Variants in ZC3HAV1L observed in about 807,000 individuals in gnomAD.
ZC3HAV1L encodes zinc finger CCCH-type antiviral protein 1-like.
ZC3HAV1L carries 23 observed loss-of-function variants against 28.2 expected under a neutral mutation model. That is an observed-to-expected ratio of 0.82 (90% CI 0.59 to 1.16). ZC3HAV1L has a LOEUF of 1.16. Ranked by LOEUF, ZC3HAV1L falls within the 50% of genes most tolerant of loss-of-function variation. ZC3HAV1L has a pLI of 0.00. For synonymous variants in ZC3HAV1L, 180 were observed against 163.4 expected (o/e 1.10, Z -0.78); for missense variants, 376 against 387.7 (o/e 0.97, Z 0.25).
In ZC3HAV1L at chr7:139,026,980, A is replaced by ATG. The variant is rs773688246; in HGVS notation, c.761-149_761-148dup. On this transcript the variant is annotated intron_variant, in intron 3 of 4. Transcript: ENST00000275766. ...TGTCTTCTGGATTTTAAAAAATTGTATGTGTGTGTGTATAAAAAATAGAGA... is the reference window on the plus strand; with the variant it reads ...TGTCTTCTGGATTTTAAAAAATTGTATGTGTGTGTGTGTATAAAAAATAGAGA... 334 of 909,764 alleles carry ATG rather than the reference A, an allele frequency of 3.7e-4. 1 individual carries two copies. The highest frequency in any genetic ancestry group is 1.3e-3 in the Admixed American group (44 of 33,178). The allele number at this position is 909,764 out of a possible 1,614,324, so 56.4% of individuals were successfully genotyped here.
Position 139,028,909 on chromosome 7 carries a change from T to C in ZC3HAV1L, c.553A>G (p.Lys185Glu). The C allele has an allele frequency of 6.2e-7, 1 of 1,614,176 alleles. No individual in the cohort carries two copies. Among genetic ancestry groups the C allele is most frequent in the South Asian group, 1.1e-5 (1 of 91,086 alleles). The change falls in exon 3 of 5, where the codon AAG becomes GAG. Residue 185 changes from lysine to glutamate, a missense_variant. By Grantham distance (56) the Lys-to-Glu change is moderately conservative. Coordinates refer to ENST00000275766, the MANE Select transcript of ZC3HAV1L (RefSeq NM_080660.4). ...GEALYGYCNL[K>E]DKCNKFHVCK... is the part of the protein sequence containing the mutation. ...ACATGAAACTTGTTGCATTTATCCT[T>C]GAGGTTGCAGTAGCCATACAGGGCT... is the stretch of plus-strand genomic sequence containing the variant.
At chr7:139,026,931 C>A (rs1278057024) in intron 3 of ZC3HAV1L, 98 bp from the exon 4 acceptor site, 4 of 1,341,342 alleles carry the variant, frequency 3.0e-6, no homozygotes, top group Admixed American at 4.7e-5. Flanking sequence ...ACAAGACTCC[C>A]AACACATGGA....
chr7:139,029,799 G>C (rs748652567), intron 2 of ZC3HAV1L, among the ~76,000 whole-genome samples: 5 of 152,120 alleles, frequency 3.3e-5, no homozygotes, highest in African/African-American at 4.8e-5. Flanking sequence ...TCAACGGGTG[G>C]CACAAAGATC....
chr7:139,029,105 C>G, intron 2 of ZC3HAV1L, 145 bp from the exon 3 acceptor site: 1 of 942,512 alleles, frequency 1.1e-6, no homozygotes, highest in South Asian at 1.8e-5. Flanking sequence ...CGCGTTCAAG[C>G]AATTCTCCTG....
downstream of ZC3HAV1L, among the ~76,000 whole-genome samples, chr7:139,025,417 C>T (rs552862991): frequency 3.0e-4 from 45 of 147,968 alleles, no homozygotes; most frequent in Admixed American, 7.5e-4. Flanking sequence ...CATTGCACTC[C>T]GGCCTGGGCA....
chr7:139,035,877 C>G lies in ZC3HAV1L; in HGVS notation c.141G>C (p.Glu47Asp), dbSNP rs1356752004. 6.6e-7 allele frequency: 1 copy of G among 1,511,680 alleles called. No individual in the cohort carries two copies. The highest frequency in any genetic ancestry group is 1.4e-5 in the African/African-American group (1 of 69,344). 93.6% of individuals were successfully genotyped at this position (1,511,680 alleles called of 1,614,324 possible). ...TCTCCACCTCCTGCAGCAGGAAACG[C>G]TCGGGCCCGGCGCGCTGCAGCACGT... ...LRDVLQRAGPERFLLQEVETQ... is the reference protein window; with the variant it reads ...LRDVLQRAGPDRFLLQEVETQ... Residue 47 changes from glutamate (E) to aspartate (D), a missense_variant, in exon 1 of 5, where the codon GAG (glutamate) becomes GAC (aspartate). Glu to Asp is a conservative substitution (Grantham distance 45). Coordinates refer to ENST00000275766, the MANE Select transcript of ZC3HAV1L (RefSeq NM_080660.4).
rs1245250729 is a variant in ZC3HAV1L at position 139,035,560 on chromosome 7, G to A, written c.365+93C>T. The A allele has an allele frequency of 3.0e-6, 4 of 1,338,396 alleles. No homozygotes were observed. The East Asian group carries it at 1.3e-4, about 42-fold the overall frequency. 82.9% of individuals were successfully genotyped at this position (1,338,396 alleles called of 1,614,324 possible). ...GCCCCGCGTCCCCGGCCCGGGGCAG[G>A]ACGAAGCCCCCCTTCCCGTCGCTCC... On this transcript the variant is annotated intron_variant, in intron 1 of 4. Coordinates refer to ENST00000275766, the MANE Select transcript of ZC3HAV1L (RefSeq NM_080660.4).
chr7:139,035,547 C>G, intron 1 of ZC3HAV1L, 106 bp downstream of exon 1: 1 of 1,321,602 alleles, frequency 7.6e-7, no homozygotes. Context: ...CCCGCGTCCC[C>G]GGCCCGGGGC....
At position 139,026,552 on chromosome 7, in the gene ZC3HAV1L, C is replaced by T. The variant is rs202173826; in HGVS notation, c.895G>A (p.Glu299Lys). The T allele has an allele frequency of 4.6e-5, 75 of 1,613,858 alleles. No individual in the cohort carries two copies. The Admixed American group carries it at 4.7e-4, about 10-fold the overall frequency. The change falls in exon 5 of 5, where the codon GAG becomes AAG. Residue 299 changes from glutamate to lysine, a missense_variant. By Grantham distance (56) the Glu-to-Lys change is moderately conservative. Transcript: ENST00000275766. Reference protein sequence around the residue: ...SAKKPCPVSCEK With the variant: ...SAKKPCPVSCKK ...CTCCTTTTCCATCTTCTTTACTTCT[C>T]GCAAGACACTGTGAGGTAGATATTA...
At chr7:139,023,410 G>T (rs1331777279), downstream of ZC3HAV1L, among the ~76,000 whole-genome samples, 1 of 152,162 alleles carries the variant, frequency 6.6e-6, no homozygotes, top group African/African-American at 2.4e-5. Context: ...TTCCCACGTG[G>T]ATACAAGAGG....
At chr7:139,033,649 G>A in intron 2 of ZC3HAV1L, 1 of 891,078 alleles carries the variant, frequency 1.1e-6, no homozygotes, top group Non-Finnish European at 1.3e-6. Context: ...AGTCTAATAT[G>A]ACAAGGTGAG....
downstream of ZC3HAV1L, among the ~76,000 whole-genome samples, chr7:139,023,338 T>A (rs539935133): frequency 2.6e-5 from 4 of 152,296 alleles, no homozygotes; most frequent in African/African-American, 9.6e-5. Context: ...ACATTTCTCA[T>A]AACAATCTGA....
chr7:139,034,041 G>T, intron 2 of ZC3HAV1L: 1 of 985,396 alleles, frequency 1.0e-6, no homozygotes, highest in Non-Finnish European at 1.2e-6. Flanking sequence ...CTGCCTTCTG[G>T]GTACAGATTC....
chr7:139,030,836 AAT>A (rs778631067), intron 2 of ZC3HAV1L, among the ~76,000 whole-genome samples: 70,090 of 150,546 alleles, frequency 0.47, 16,823 homozygotes, highest in Non-Finnish European at 0.52. Context: ...AATAATAATT[AAT>A]TAATTAATTA....
At chr7:139,024,298 T>G (rs184337053), downstream of ZC3HAV1L, among the ~76,000 whole-genome samples, 1 of 152,238 alleles carries the variant, frequency 6.6e-6, no homozygotes, top group African/African-American at 2.4e-5. Flanking sequence ...AATAAAATAC[T>G]GCAACAAAGA....
chr7:139,035,039 G>A (rs1815658943), intron 1 of ZC3HAV1L: 2 of 985,422 alleles, frequency 2.0e-6, no homozygotes, highest in Non-Finnish European at 2.4e-6. Flanking sequence ...CCGCTTTGGC[G>A]GGGTGTGTGG....
intron 2 of ZC3HAV1L, among the ~76,000 whole-genome samples, chr7:139,032,667 T>C (rs1815569749): frequency 6.7e-6 from 1 of 148,510 alleles, no homozygotes; most frequent in South Asian, 2.1e-4. Context: ...AAAAATAAAA[T>C]AAAATAAATA....
intron 3 of ZC3HAV1L, 69 bp downstream of exon 3, chr7:139,028,629 TCTTA>T (rs1432210386): frequency 1.8e-5 from 27 of 1,537,336 alleles, no homozygotes; most frequent in Non-Finnish European, 2.4e-5. Flanking sequence ...ATGTCACTGT[TCTTA>T]CTTCTTCACA....
intron 3 of ZC3HAV1L, among the ~76,000 whole-genome samples, chr7:139,027,990 A>G (rs576315671): frequency 6.7e-6 from 1 of 150,068 alleles, no homozygotes; most frequent in African/African-American, 2.5e-5. Context: ...GCCAAAAATT[A>G]TATTTATGAC....
Sources: allele counts gnomAD v4.1 joint callset (sites outside exome capture counted in the v4.1 genomes callset), GRCh38; gene constraint gnomAD v4.1.1; transcripts MANE v1.5; gene names NCBI Gene and HGNC (gene_info 2026-07-23, HGNC 2026-07-21).